The following SEMA3D variants were observed in gnomAD, a reference collection of about 807,000 sequenced individuals.
SEMA3D encodes semaphorin-3D.
SEMA3D carries 84 observed loss-of-function variants against 100.1 expected under a neutral mutation model. The ratio of observed to expected loss-of-function variants is 0.84; its 90% CI spans 0.70 to 1.01. The LOEUF (loss-of-function observed/expected upper bound fraction) is 1.01. SEMA3D is among the 50% of genes least tolerant of loss of function. SEMA3D has a pLI of 0.00. For synonymous variants in SEMA3D, 312 were observed against 320.7 expected, an observed-to-expected ratio of 0.97 and a Z score of 0.29; for missense variants, 875 against 934.1, an observed-to-expected ratio of 0.94 and a Z score of 0.82.
At chr7:85,127,503 T>A (rs1157533199) in intron 2 of SEMA3D, among the ~76,000 whole-genome samples, 1 of 152,126 alleles carries the variant, frequency 6.6e-6, no homozygotes, top group East Asian at 1.9e-4. Flanking sequence ...GTGTAATCTC[T>A]TAGGTTTAAG....
intron 2 of SEMA3D, chr7:85,141,916 T>C: frequency 1.0e-6 from 1 of 980,278 alleles, no homozygotes; most frequent in Non-Finnish European, 1.2e-6. Flanking sequence ...CAGTATTAAT[T>C]TATGATGTGT....
At chr7:85,071,596 C>A (rs1184360096) in intron 6 of SEMA3D, among the ~76,000 whole-genome samples, 1 of 152,144 alleles carries the variant, frequency 6.6e-6, no homozygotes. Context: ...GTGTGAACAT[C>A]ACAGAGTGCA....
intron 17 of SEMA3D, among the ~76,000 whole-genome samples, chr7:85,010,286 A>G (rs1789916190): frequency 6.6e-6 from 1 of 151,888 alleles, no homozygotes; most frequent in Non-Finnish European, 1.5e-5. Context: ...TACATGCCAT[A>G]GGAAAGCTTT....
At chr7:85,220,186 A>T in the SEMA3D span, among the ~76,000 whole-genome samples, 1 of 152,026 alleles carries the variant, frequency 6.6e-6, no homozygotes, top group African/African-American at 2.4e-5. Flanking sequence ...TCTGAGTCAG[A>T]TCTGGATACC....
At chr7:85,212,690 T>C in the SEMA3D span, among the ~76,000 whole-genome samples, 4 of 152,078 alleles carry the variant, frequency 2.6e-5, no homozygotes, top group African/African-American at 9.7e-5. Flanking sequence ...TTACTACAGA[T>C]AAATTTTTGA....
chr7:85,005,396 A>C (rs1789767803), intron 18 of SEMA3D, among the ~76,000 whole-genome samples: 1 of 152,030 alleles, frequency 6.6e-6, no homozygotes, highest in Non-Finnish European at 1.5e-5. Context: ...TGAATCTGCC[A>C]TAATCTTAGG....
At chr7:85,195,682 C>T in the SEMA3D span, among the ~76,000 whole-genome samples, 3 of 152,146 alleles carry the variant, frequency 2.0e-5, no homozygotes, top group Non-Finnish European at 4.4e-5. Context: ...GGTCAAACTT[C>T]ATATAGCCCT....
intron 1 of SEMA3D, among the ~76,000 whole-genome samples, chr7:85,179,807 G>A (rs566966014): frequency 2.6e-4 from 40 of 151,806 alleles, no homozygotes; most frequent in African/African-American, 5.6e-4. Flanking sequence ...GATTACAGGC[G>A]CCCGCCACTG....
chr7:85,062,098 T>C (rs763590002), intron 8 of SEMA3D, among the ~76,000 whole-genome samples: 3 of 152,204 alleles, frequency 2.0e-5, no homozygotes, highest in African/African-American at 7.2e-5. Flanking sequence ...ATGGAAATGA[T>C]ACAATATCAG....
At chr7:85,010,800 A>C (rs1789930230) in intron 17 of SEMA3D, among the ~76,000 whole-genome samples, 1 of 151,768 alleles carries the variant, frequency 6.6e-6, no homozygotes, top group African/African-American at 2.4e-5. Flanking sequence ...CTGGTACGTA[A>C]GGGTGAGTTC....
At chr7:85,086,334 A>AT (rs908064504) in intron 4 of SEMA3D, among the ~76,000 whole-genome samples, 5 of 151,858 alleles carry the variant, frequency 3.3e-5, no homozygotes, top group Non-Finnish European at 7.4e-5. Context: ...CATTAAAGAG[A>AT]TTTTTTTTAA....
intron 1 of SEMA3D, among the ~76,000 whole-genome samples, chr7:85,162,286 T>C (rs923075331): frequency 6.6e-6 from 1 of 152,106 alleles, no homozygotes; most frequent in African/African-American, 2.4e-5. Context: ...GCGCAATTCA[T>C]GTACTAAGTC....
At chr7:85,218,215 T>G in the SEMA3D span, among the ~76,000 whole-genome samples, 3 of 152,086 alleles carry the variant, frequency 2.0e-5, no homozygotes, top group East Asian at 5.8e-4. Context: ...CAGGAAACTA[T>G]ATGGTCTACA....
intron 4 of SEMA3D, among the ~76,000 whole-genome samples, chr7:85,091,699 G>A (rs955160398): frequency 1.3e-5 from 2 of 151,984 alleles, no homozygotes; most frequent in Non-Finnish European, 2.9e-5. Context: ...TTTAGAAACC[G>A]TGGGTCCTTA....
the SEMA3D span, among the ~76,000 whole-genome samples, chr7:85,204,425 A>C: frequency 6.6e-6 from 1 of 151,896 alleles, no homozygotes; most frequent in Non-Finnish European, 1.5e-5. Flanking sequence ...GATAGACTTA[A>C]ACAATAATAT....
intron 1 of SEMA3D, among the ~76,000 whole-genome samples, chr7:85,169,551 T>A (rs1365898527): frequency 2.0e-5 from 3 of 151,842 alleles, no homozygotes; most frequent in Non-Finnish European, 4.4e-5. Flanking sequence ...TCCTTCCATC[T>A]AACACATGTT....
At chr7:85,125,081 A>C (rs1789527932) in intron 2 of SEMA3D, among the ~76,000 whole-genome samples, 2 of 152,132 alleles carry the variant, frequency 1.3e-5, no homozygotes, top group African/African-American at 4.8e-5. Context: ...CTCTAAAAAA[A>C]GTGAAAGGTA....
At chr7:85,174,340 A>T (rs1446388101) in intron 1 of SEMA3D, among the ~76,000 whole-genome samples, 1 of 152,068 alleles carries the variant, frequency 6.6e-6, no homozygotes, top group African/African-American at 2.4e-5. Context: ...CACAATAAAT[A>T]CTCATTAAAG....
intron 8 of SEMA3D, among the ~76,000 whole-genome samples, chr7:85,058,880 C>CA (rs137911293): frequency 0.18 from 26,413 of 147,164 alleles, 2,786 homozygotes; most frequent in East Asian, 0.45. Context: ...GAATTTAGTG[C>CA]AAAAAAAAAG....
Sources: gnomAD v4.1 joint callset for allele counts (sites outside exome capture counted in the v4.1 genomes callset) on GRCh38, gnomAD v4.1.1 for gene constraint, MANE v1.5 for transcripts, NCBI Gene and HGNC (gene_info 2026-07-23, HGNC 2026-07-21) for gene names.